RIOX2: variants seen among roughly 807,000 people sequenced by gnomAD.
RIOX2 encodes the protein ribosomal oxygenase 2, also known as 60S ribosomal protein L27a histidine hydroxylase.
RIOX2 carries 43 observed loss-of-function variants against 51.2 expected under a neutral mutation model. The ratio of observed to expected loss-of-function variants is 0.84; its 90% confidence interval spans 0.66 to 1.08. RIOX2 has a LOEUF of 1.08. RIOX2 is among the 50% of genes least tolerant of loss of function. The pLI is 0.00. For synonymous variants in RIOX2, 226 were observed against 218.5 expected, an observed-to-expected ratio of 1.03 and a Z score of -0.30; for missense variants, 566 against 561.7, an observed-to-expected ratio of 1.01 and a Z score of -0.08.
At chr3:97,970,526 C>T (rs1045238137) in intron 1 of RIOX2, among the ~76,000 whole-genome samples, 5 of 152,126 alleles carry the variant, frequency 3.3e-5, no homozygotes, top group Non-Finnish European at 7.4e-5. Flanking sequence ...ATCATAATTT[C>T]GGAAACAGCA....
Position 97,950,857 on chromosome 3 carries a change from A to C in RIOX2, c.817T>G (p.Ser273Ala). The C allele has an allele frequency of 6.2e-7, 1 of 1,613,878 alleles. No homozygotes were observed. Among genetic ancestry groups the C allele is most frequent in the Non-Finnish European group, 8.5e-7 (1 of 1,179,850 alleles). ...SWGDFLLDTISGLVFDTAKED... is the reference protein window; with the variant it reads ...SWGDFLLDTIAGLVFDTAKED... ...TTTGCAGTATCAAATACAAGCCCCG[A>C]GATGGTATCCAAAAGGAAATCTCCC... The change falls in exon 6 of 10, where the codon TCG (serine) becomes GCG (alanine). Residue 273 changes from serine (S) to alanine (A), a missense_variant. Coordinates refer to ENST00000394198, the MANE Select transcript of RIOX2 (RefSeq NM_153182.4).
At chr3:97,959,707 G>C (rs1315121631) in intron 3 of RIOX2, among the ~76,000 whole-genome samples, 1 of 151,976 alleles carries the variant, frequency 6.6e-6, no homozygotes, top group Non-Finnish European at 1.5e-5. Flanking sequence ...GCAACAATTT[G>C]AAAAACATGA....
At chr3:97,965,704 G>C (rs1705866075) in intron 2 of RIOX2, among the ~76,000 whole-genome samples, 1 of 152,190 alleles carries the variant, frequency 6.6e-6, no homozygotes, top group South Asian at 2.1e-4. Context: ...AAGCCCTGCG[G>C]GGGATGATTC....
At chr3:97,957,616 T>C (rs1012460753) in intron 4 of RIOX2, among the ~76,000 whole-genome samples, 2 of 152,082 alleles carry the variant, frequency 1.3e-5, no homozygotes, top group Non-Finnish European at 2.9e-5. Context: ...GTGTTGACTG[T>C]TTAATGGGCA....
chr3:97,943,914 A>G lies in RIOX2; in HGVS notation c.*1270T>C, dbSNP rs905753816. On this transcript the variant is annotated 3_prime_UTR_variant, in exon 10 of 10. Transcript: ENST00000394198. ...GGCAGGGACCTCAGCTTTGTTAGGA[A>G]TAAGGCACAAGAAGTATTTTCTGTA... is the stretch of plus-strand genomic sequence containing the variant. 6.6e-6 allele frequency: 1 copy of G among 151,996 alleles called. No homozygotes were observed. The highest frequency in any genetic ancestry group is 2.4e-5 in the African/African-American group (1 of 41,428). 9.4% of individuals were successfully genotyped at this position (151,996 alleles called of 1,614,324 possible). A position where few individuals can be genotyped will look rare whatever the true frequency, so the allele number is the denominator to read the frequency against.
rs1452201455 is a variant in RIOX2 at position 97,967,435 on chromosome 3, A to G, written c.159T>C (p.Thr53=). Residue 53 remains threonine, a synonymous_variant, in exon 2 of 10, where the codon ACT becomes ACC. Transcript: ENST00000394198. ...ESLISPIKTE[T]FFKEFWEQKP... ...TCTGCTCCCAGAATTCCTTGAAAAAAGTCTCTGTCTTGATGGGCGAGATTA... is the reference window on the plus strand; with the variant it reads ...TCTGCTCCCAGAATTCCTTGAAAAAGGTCTCTGTCTTGATGGGCGAGATTA... 3 of 1,614,020 alleles carry G rather than the reference A, an allele frequency of 1.9e-6. No homozygotes were observed. Among genetic ancestry groups the G allele is most frequent in the Non-Finnish European group, 2.5e-6 (3 of 1,180,036 alleles).
chr3:97,954,024 T>C (rs183290333), intron 5 of RIOX2: 1 of 177,788 alleles, frequency 5.6e-6, no homozygotes, highest in East Asian at 1.3e-4. Flanking sequence ...TGGTTTAAAA[T>C]GGTATATTTT....
In RIOX2 at chr3:97,945,018, C is replaced by A; in HGVS notation, c.*166G>T. On this transcript the variant is annotated 3_prime_UTR_variant, in exon 10 of 10. Transcript: ENST00000394198. ...AATTTGCTGTTCTTTCTTTCATGTG[C>A]CCGTTAGTACATTTGGCCAACTGAC... is the stretch of plus-strand genomic sequence containing the variant. 1 of 484,344 alleles carries A rather than the reference C, an allele frequency of 2.1e-6. No homozygotes were observed. Among genetic ancestry groups the A allele is most frequent in the South Asian group, 4.6e-5 (1 of 21,886 alleles). 30.0% of individuals were successfully genotyped at this position (484,344 alleles called of 1,614,324 possible).
At chr3:97,968,592 C>T (rs1418834620) in intron 1 of RIOX2, among the ~76,000 whole-genome samples, 1 of 152,210 alleles carries the variant, frequency 6.6e-6, no homozygotes, top group Non-Finnish European at 1.5e-5. Flanking sequence ...ACAGCCAAGC[C>T]TTGCAAAGCT....
chr3:97,943,064 A>C lies in RIOX2; in HGVS notation c.*2120T>G. On this transcript the variant is annotated 3_prime_UTR_variant, in exon 10 of 10. Coordinates refer to ENST00000394198, the MANE Select transcript of RIOX2 (RefSeq NM_153182.4). ...TAATAAGGTCCAATTTGAGGTGAAT[A>C]ATGGCTAAGCCTGTTCAAACTCAGC... The C allele has an allele frequency of 1.7e-6, 1 of 579,204 alleles. No homozygotes were observed. The highest frequency in any genetic ancestry group is 3.0e-6 in the Non-Finnish European group (1 of 329,672). The allele number at this position is 579,204 out of a possible 1,614,324, so 35.9% of individuals were successfully genotyped here.
intron 7 of RIOX2, among the ~76,000 whole-genome samples, chr3:97,948,200 AAAAC>A (rs1239610983): frequency 6.6e-6 from 1 of 152,230 alleles, no homozygotes; most frequent in African/African-American, 2.4e-5. Flanking sequence ...GATACAATCA[AAAAC>A]AAATTCTAAG....
rs35134649 is a variant in RIOX2, at chr3:97,957,495, T to TAAA, written c.681+1553_681+1555dup. Among the ~76,000 whole-genome samples the TAAA allele has an allele frequency of 2.6e-3, 345 of 131,122 alleles. 2 individuals carry two copies. Among genetic ancestry groups the TAAA allele is most frequent in the Middle Eastern group, 4.0e-3 (1 of 248 alleles). The allele number at this position is 131,122 out of a possible 152,430, so 86.0% of individuals were successfully genotyped here. A position where few individuals can be genotyped will look rare whatever the true frequency, so the allele number is the denominator to read the frequency against. On this transcript the variant is annotated intron_variant, in intron 4 of 9. Transcript: ENST00000394198. ...TGGGTGACAGGGTGAGACTCTGTCT[T>TAAA]AAAAAAAAAAAAAAAAAAATGACAT...
chr3:97,959,140 G>T lies in RIOX2; in HGVS notation c.592C>A (p.Leu198Ile). ...LQLEGEKHWR[L>I]YHPTVPLARE... ...GCCAGGGGCACAGTGGGGTGGTAGA[G>T]GCGCCAGTGTTTCTCTCCCTCCAGC... is the stretch of plus-strand genomic sequence containing the variant. The change falls in exon 4 of 10, where the codon CTC becomes ATC. Residue 198 changes from leucine (L) to isoleucine (I), a missense_variant. Leu to Ile is a conservative substitution (Grantham distance 5). Transcript: ENST00000394198. The T allele has an allele frequency of 6.2e-7, 1 of 1,614,034 alleles. No homozygotes were observed. Among genetic ancestry groups the T allele is most frequent in the Non-Finnish European group, 8.5e-7 (1 of 1,179,980 alleles).
At position 97,942,505 on chromosome 3, in the gene RIOX2, T is replaced by C; in HGVS notation, c.*2679A>G. 1.4e-6 allele frequency: 2 copies of C among 1,417,964 alleles called. No homozygotes were observed. The highest frequency in any genetic ancestry group is 1.9e-6 in the Non-Finnish European group (2 of 1,046,624). 87.8% of individuals were successfully genotyped at this position (1,417,964 alleles called of 1,614,324 possible). On this transcript the variant is annotated 3_prime_UTR_variant, in exon 10 of 10. Transcript: ENST00000394198. ...ATATTAGTTTCAGTTCCAAATCTCC[T>C]CATTTTGGGTAAAGGACATCCTTAT...
intron 1 of RIOX2, among the ~76,000 whole-genome samples, chr3:97,968,671 G>C (rs1216391289): frequency 6.6e-6 from 1 of 152,124 alleles, no homozygotes; most frequent in Admixed American, 6.5e-5. Flanking sequence ...CTGTTTCCAA[G>C]AACTGTAATT....
chr3:97,945,604 T>C (rs2040336040), intron 9 of RIOX2, 194 bp downstream of exon 9: 1 of 616,556 alleles, frequency 1.6e-6, no homozygotes. Context: ...CTAGTATGTC[T>C]TAAAACTGGT....
At chr3:97,968,093 C>T (rs941309438) in intron 1 of RIOX2, among the ~76,000 whole-genome samples, 20 of 152,108 alleles carry the variant, frequency 1.3e-4, no homozygotes, top group African/African-American at 4.6e-4. Flanking sequence ...AACTAACAGC[C>T]GCCCACTGCC....
rs372290568 is a variant in RIOX2, at chr3:97,965,210, T to TTA, written c.432+1951_432+1952insTA. On this transcript the variant is annotated intron_variant, in intron 2 of 9. Transcript: ENST00000394198. Reference sequence around the variant, plus strand: ...TCCAGCACGGGTGGTACAAAGAGATTAAAAAAAAAAAAAAAAAAAGGCCCA... The same window carrying TTA: ...TCCAGCACGGGTGGTACAAAGAGATTTAAAAAAAAAAAAAAAAAAAAGGCCCA... Among the ~76,000 whole-genome samples, 6 of 114,872 alleles carry TTA rather than the reference T, an allele frequency of 5.2e-5. No homozygotes were observed. The East Asian group carries it at 1.3e-3, about 24-fold the overall frequency. 75.4% of individuals were successfully genotyped at this position (114,872 alleles called of 152,430 possible).
intron 1 of RIOX2, among the ~76,000 whole-genome samples, chr3:97,969,641 G>A (rs762450180): frequency 3.9e-5 from 6 of 152,192 alleles, no homozygotes; most frequent in Non-Finnish European, 7.3e-5. Context: ...TGCCAGGCAG[G>A]GGTGGCCTAA....
Sources: allele counts gnomAD v4.1 joint callset (sites outside exome capture counted in the v4.1 genomes callset), GRCh38; gene constraint gnomAD v4.1.1; transcripts MANE v1.5; gene names NCBI Gene and HGNC (gene_info 2026-07-23, HGNC 2026-07-21).